Variants in KDM1A observed in about 807,000 individuals in gnomAD.
KDM1A encodes the protein lysine-specific histone demethylase 1A.
A neutral mutation model predicts 109.4 loss-of-function variants in KDM1A; 49 were observed. The observed-to-expected ratio is 0.45, with a 90% confidence interval of 0.36 to 0.57. KDM1A has a LOEUF of 0.57. Ranked by LOEUF, KDM1A falls within the 20% of genes least tolerant of loss-of-function variation. KDM1A has a pLI of 0.00. For missense variants in KDM1A, 668 were observed against 1,116.6 expected, an observed-to-expected ratio of 0.60 and a Z score of 5.73; for synonymous variants, 380 against 415.4, an observed-to-expected ratio of 0.91 and a Z score of 1.04.
chr1:23,060,058 C>G (rs1183628150), intron 9 of KDM1A, among the ~76,000 whole-genome samples: 1 of 152,174 alleles, frequency 6.6e-6, no homozygotes, highest in Non-Finnish European at 1.5e-5. Context: ...TCAGGGAATG[C>G]TTTGGTTTCC....
At chr1:23,076,774 C>G (rs138165722) in intron 15 of KDM1A, among the ~76,000 whole-genome samples, 1 of 151,854 alleles carries the variant, frequency 6.6e-6, no homozygotes, top group Non-Finnish European at 1.5e-5. Flanking sequence ...CCAGCCTAGC[C>G]AACGTGGTGA....
intron 14 of KDM1A, 74 bp downstream of exon 14, chr1:23,072,271 C>A: frequency 3.8e-6 from 4 of 1,065,624 alleles, no homozygotes; most frequent in Non-Finnish European, 5.7e-6. Context: ...AAGGAAAATT[C>A]TAAATCATAA....
At chr1:23,027,445 G>T (rs1325272743) in intron 1 of KDM1A, among the ~76,000 whole-genome samples, 2 of 128,658 alleles carry the variant, frequency 1.6e-5, no homozygotes, top group Non-Finnish European at 3.2e-5. Context: ...ACAGGGTCTC[G>T]ACTCTGTCAC....
At chr1:23,068,839 T>C (rs1044696646) in intron 11 of KDM1A, among the ~76,000 whole-genome samples, 158 bp downstream of exon 11, 3 of 152,252 alleles carry the variant, frequency 2.0e-5, no homozygotes, top group African/African-American at 7.2e-5. Context: ...AAAATAATTA[T>C]ATGATCCCTT....
intron 1 of KDM1A, among the ~76,000 whole-genome samples, chr1:23,023,048 G>A (rs112730052): frequency 2.7e-4 from 41 of 152,240 alleles, no homozygotes; most frequent in African/African-American, 9.6e-4. Flanking sequence ...GTTTTGATAT[G>A]CAGTTCCCTA....
At chr1:23,038,254 T>TTGTG (rs56016343) in intron 2 of KDM1A, among the ~76,000 whole-genome samples, 2,695 of 149,284 alleles carry the variant, frequency 0.018, 49 homozygotes, top group African/African-American at 0.04. Context: ...CTGGAACTGT[T>TTGTG]TGTGTGTGTG....
At chr1:23,056,198 T>C (rs557198206) in intron 7 of KDM1A, among the ~76,000 whole-genome samples, 160 bp downstream of exon 7, 1 of 147,558 alleles carries the variant, frequency 6.8e-6, no homozygotes, top group African/African-American at 2.5e-5. Context: ...TTTAAAAAGC[T>C]TTTTTTTTTA....
In KDM1A at chr1:23,038,254, T is replaced by TTGTGTG. The variant is rs56016343; in HGVS notation, c.518-6141_518-6136dup. Among the ~76,000 whole-genome samples the TTGTGTG allele has an allele frequency of 4.3e-3, 636 of 149,312 alleles. 4 individuals carry two copies. Among genetic ancestry groups the TTGTGTG allele is most frequent in the East Asian group, 0.029 (147 of 5,090 alleles). On this transcript the variant is annotated intron_variant, in intron 2 of 20. Transcript: ENST00000400181. ...TAACTTTTTAAGCATCTGGAACTGTTTGTGTGTGTGTGTGTGTGTGTGTGT... is the reference window on the plus strand; with the variant it reads ...TAACTTTTTAAGCATCTGGAACTGTTTGTGTGTGTGTGTGTGTGTGTGTGTGTGTGT...
chr1:23,077,272 TG>T lies in KDM1A; in HGVS notation c.1781del (p.Gly594AlafsTer9). 6.2e-7 allele frequency: 1 copy of T among 1,614,116 alleles called. No homozygotes were observed. Among genetic ancestry groups the T allele is most frequent in the Non-Finnish European group, 8.5e-7 (1 of 1,179,964 alleles). ...CTGGCAGCCACCTGACAGTAAGGAA[TG>T]GCTACTCGTGTGTGCCTGTGGCTTT... ...FTGSHLTVRNGYSCVPVALAE... is the reference protein window; with the variant it reads ...FTGSHLTVRNXYSCVPVALAE... On this transcript the variant is annotated frameshift_variant, in exon 16 of 21. Transcript: ENST00000400181. LOFTEE classifies it high-confidence loss of function.
At chr1:23,041,535 C>G (rs1360157995) in intron 2 of KDM1A, among the ~76,000 whole-genome samples, 2 of 147,904 alleles carry the variant, frequency 1.4e-5, no homozygotes, top group African/African-American at 5.0e-5. Context: ...CTCCACCTCC[C>G]GAGTTCAAGC....
Position 23,053,856 on chromosome 1 carries a change from A to G in KDM1A, c.790+17A>G, listed in dbSNP as rs762954037. The G allele has an allele frequency of 4.1e-5, 56 of 1,355,756 alleles. No individual in the cohort carries two copies. In the East Asian group the frequency reaches 9.2e-4, roughly 22 times the overall value. The allele number at this position is 1,355,756 out of a possible 1,614,324, so 84.0% of individuals were successfully genotyped here. A position where few individuals can be genotyped will look rare whatever the true frequency, so the allele number is the denominator to read the frequency against. On this transcript the variant is annotated intron_variant, in intron 5 of 20. Coordinates refer to ENST00000400181, the MANE Select transcript of KDM1A (RefSeq NM_001009999.3). ...CTTATAACAGTAAGTAGTGTGTTCA[A>G]TAGGACTAATTTGTACTGGATTGTG...
Position 23,019,580 on chromosome 1 carries a change from C to T in KDM1A, c.-17C>T, listed in dbSNP as rs1336142259. 4 of 1,395,254 alleles carry T rather than the reference C, an allele frequency of 2.9e-6. No homozygotes were observed. The highest frequency in any genetic ancestry group is 1.7e-5 in the South Asian group (1 of 58,636). The allele number at this position is 1,395,254 out of a possible 1,614,324, so 86.4% of individuals were successfully genotyped here. A position where few individuals can be genotyped will look rare whatever the true frequency, so the allele number is the denominator to read the frequency against. ...AGCGAGCGGCCCCTACGGCCGTCGGCGGCCCGGCGGCCCGAGATGTTATCT... is the reference window on the plus strand; with the variant it reads ...AGCGAGCGGCCCCTACGGCCGTCGGTGGCCCGGCGGCCCGAGATGTTATCT... On this transcript the variant is annotated 5_prime_UTR_variant, in exon 1 of 21. Coordinates refer to ENST00000400181, the MANE Select transcript of KDM1A (RefSeq NM_001009999.3).
At chr1:23,081,807 TCAC>T in intron 19 of KDM1A, 1 of 490,884 alleles carries the variant, frequency 2.0e-6, no homozygotes, top group Non-Finnish European at 3.6e-6. Context: ...GGCTTTAGAG[TCAC>T]ACCAGATCCC....
rs1355852429 is a variant in KDM1A, at chr1:23,082,899, G to A, written c.2446-280G>A. On this transcript the variant is annotated intron_variant, in intron 20 of 20. Transcript: ENST00000400181. The stretch of plus-strand genomic sequence containing the variant: ...TCCCTCCCAGAAGGTAGTTATACAT[G>A]AGGGAAGGACGCTTTACAACTGGGT... The A allele has an allele frequency of 5.0e-5, 14 of 279,228 alleles. No individual in the cohort carries two copies. In the South Asian group the frequency reaches 7.4e-4, roughly 15 times the overall value. The allele number at this position is 279,228 out of a possible 1,614,324, so 17.3% of individuals were successfully genotyped here.
At chr1:23,036,821 A>T (rs1018702867) in intron 2 of KDM1A, among the ~76,000 whole-genome samples, 82 of 152,272 alleles carry the variant, frequency 5.4e-4, no homozygotes, top group African/African-American at 1.7e-3. Context: ...CAAATTTTTT[A>T]AAAAATAGGC....
At chr1:23,064,322 GT>G (rs1018945008) in intron 9 of KDM1A, among the ~76,000 whole-genome samples, 9 of 152,180 alleles carry the variant, frequency 5.9e-5, no homozygotes, top group Admixed American at 6.5e-5. Context: ...CTTCTTCTAG[GT>G]TTTACCAAAT....
At chr1:23,081,300 C>T (rs1401743874) in intron 18 of KDM1A, 146 bp from the exon 19 acceptor site, 2 of 916,054 alleles carry the variant, frequency 2.2e-6, no homozygotes, top group Non-Finnish European at 3.3e-6. Context: ...GTTTCAGAAA[C>T]ATAATCTGTC....
chr1:23,056,065 G>A (rs1274785288), intron 7 of KDM1A, 27 bp downstream of exon 7: 1 of 1,458,160 alleles, frequency 6.9e-7, no homozygotes, highest in African/African-American at 1.4e-5. Context: ...GAGTTTAGAG[G>A]CTTGACCTAT....
chr1:23,057,534 T>C lies in KDM1A; in HGVS notation c.1041T>C (p.Ala347=). The C allele has an allele frequency of 6.2e-7, 1 of 1,613,806 alleles. No individual in the cohort carries two copies. The highest frequency in any genetic ancestry group is 1.3e-5 in the African/African-American group (1 of 74,928). ...CATTTCGCAAAGGAAACTATGTAGC[T>C]GATCTTGGAGCCATGGTGGTAACAG... is the stretch of plus-strand genomic sequence containing the variant. ...VATFRKGNYV[A]DLGAMVVTGL... The change falls in exon 8 of 21, where the codon GCT becomes GCC. Residue 347 remains alanine (A), a synonymous_variant. Coordinates refer to ENST00000400181, the MANE Select transcript of KDM1A (RefSeq NM_001009999.3).
Sources: allele counts gnomAD v4.1 joint callset (sites outside exome capture counted in the v4.1 genomes callset), GRCh38; gene constraint gnomAD v4.1.1; transcripts MANE v1.5; gene names NCBI Gene and HGNC (gene_info 2026-07-23, HGNC 2026-07-21).